Variants in TUBAL3 observed in about 807,000 individuals in gnomAD.
The protein encoded by TUBAL3 is tubulin alpha like 3, also known as tubulin alpha chain-like 3.
Under a neutral mutation model 15.5 loss-of-function variants are expected in TUBAL3, and 16 were observed. The observed-to-expected ratio is 1.04, with a 90% CI of 0.70 to 1.57. TUBAL3 has a LOEUF of 1.57. TUBAL3 is among the 40% of genes most tolerant of loss of function. TUBAL3 has a pLI of 0.00. For missense variants in TUBAL3, 609 were observed against 576.2 expected (o/e 1.06, Z -0.58); for synonymous variants, 238 against 224.3 (o/e 1.06, Z -0.55).
intron 1 of TUBAL3, among the ~76,000 whole-genome samples, chr10:5,401,398 T>C (rs1449839572): frequency 6.6e-6 from 1 of 151,782 alleles, no homozygotes; most frequent in South Asian, 2.1e-4. Flanking sequence ...AAAATACAAC[T>C]AATTTTACTT....
rs560534255 is a variant in TUBAL3 at position 5,396,775 on chromosome 10, A to T, written c.248-1300T>A. 6.6e-6 allele frequency among the ~76,000 whole-genome samples: 1 copy of T among 152,330 alleles called. No individual in the cohort carries two copies. The highest frequency in any genetic ancestry group is 1.9e-4 in the East Asian group (1 of 5,184). Reference sequence around the variant, plus strand: ...ACTCCTCCACCTTAGAATTACTCAAATAGCATTATTCCTGATGATTAAACA... The same window carrying T: ...ACTCCTCCACCTTAGAATTACTCAATTAGCATTATTCCTGATGATTAAACA... On this transcript the variant is annotated intron_variant, in intron 2 of 3. Coordinates refer to ENST00000380419, the MANE Select transcript of TUBAL3 (RefSeq NM_024803.3). This position sits in a 1 kb window ranked among gnomAD's most constrained non-coding sequence, Gnocchi z 5.1.
chr10:5,403,559 T>G (rs1831887806), intron 1 of TUBAL3, among the ~76,000 whole-genome samples: 2 of 151,806 alleles, frequency 1.3e-5, no homozygotes, highest in Admixed American at 6.6e-5. Flanking sequence ...AAAAAAAGAT[T>G]GTTCCTCTTC....
chr10:5,393,463 A>G lies in TUBAL3; in HGVS notation c.*54T>C. Reference sequence around the variant, plus strand: ...TACCCACTAGGCATATAACGGCTTGAAAAGAAAACATGCCATTTTAACTTG... The same window carrying G: ...TACCCACTAGGCATATAACGGCTTGGAAAGAAAACATGCCATTTTAACTTG... On this transcript the variant is annotated 3_prime_UTR_variant, in exon 4 of 4. Transcript: ENST00000380419. 8 of 1,490,726 alleles carry G rather than the reference A, an allele frequency of 5.4e-6. No individual in the cohort carries two copies. Among genetic ancestry groups the G allele is most frequent in the Admixed American group, 4.1e-5 (2 of 48,326 alleles). The allele number at this position is 1,490,726 out of a possible 1,614,324, so 92.3% of individuals were successfully genotyped here.
rs1331836424 is a variant in TUBAL3, at chr10:5,396,335, C to T, written c.248-860G>A. ...CCAGCCTGGCCAACATGGTGAAACC[C>T]TGTCTCTACTAAAAGTACAGAAAAT... On this transcript the variant is annotated intron_variant, in intron 2 of 3. Coordinates refer to ENST00000380419, the MANE Select transcript of TUBAL3 (RefSeq NM_024803.3). This position sits in a 1 kb window ranked among gnomAD's most constrained non-coding sequence, Gnocchi z 5.1. 6.6e-6 allele frequency among the ~76,000 whole-genome samples: 1 copy of T among 151,996 alleles called. No individual in the cohort carries two copies. The highest frequency in any genetic ancestry group is 1.5e-5 in the Non-Finnish European group (1 of 68,014).
intron 1 of TUBAL3, among the ~76,000 whole-genome samples, chr10:5,403,543 T>TG (rs1554814821): frequency 6.8e-6 from 1 of 148,054 alleles, no homozygotes; most frequent in Admixed American, 6.8e-5. Flanking sequence ...TCACTAACAT[T>TG]AAAAAAAAAA....
rs554769738 is a variant in TUBAL3, at chr10:5,404,690, C to T, written c.3+100G>A. 3.2e-6 allele frequency: 4 copies of T among 1,251,148 alleles called. No individual in the cohort carries two copies. The African/African-American group carries it at 5.9e-5, about 19-fold the overall frequency. 77.5% of individuals were successfully genotyped at this position (1,251,148 alleles called of 1,614,324 possible). On this transcript the variant is annotated intron_variant, in intron 1 of 3. Coordinates refer to ENST00000380419, the MANE Select transcript of TUBAL3 (RefSeq NM_024803.3). ...AAATGTTTCTTTACAAATGTCTTCT[C>T]TTGCATTACAATTTTATTAAGAATT...
chr10:5,394,414 A>G lies in TUBAL3; in HGVS notation c.444T>C (p.Phe148=), dbSNP rs781945733. ...TAAACCCTGAACCAGTGCCTCCTCC[A>G]AAGCTTCGGAAAATCAAAAATCCCT... is the stretch of plus-strand genomic sequence containing the variant. ...GLQGFLIFRS[F]GGGTGSGFTS... is the part of the protein sequence containing the mutation. Residue 148 remains phenylalanine (F), a synonymous_variant, in exon 4 of 4, where the codon TTT becomes TTC. Coordinates refer to ENST00000380419, the MANE Select transcript of TUBAL3 (RefSeq NM_024803.3). The surrounding 1 kb of genome is among the most constrained non-coding windows in gnomAD (Gnocchi z 4.3). 1 of 1,612,908 alleles carries G rather than the reference A, an allele frequency of 6.2e-7. No individual in the cohort carries two copies. Among genetic ancestry groups the G allele is most frequent in the Admixed American group, 1.7e-5 (1 of 59,786 alleles).
chr10:5,402,521 G>A (rs1831871394), intron 1 of TUBAL3, among the ~76,000 whole-genome samples: 2 of 152,166 alleles, frequency 1.3e-5, no homozygotes, highest in South Asian at 4.1e-4. Context: ...CTGCCCTAAA[G>A]CCTGAGATTC....
rs376671619 is a variant in TUBAL3, at chr10:5,394,031, A to T, written c.827T>A (p.Met276Lys). 21 of 1,614,084 alleles carry T rather than the reference A, an allele frequency of 1.3e-5. No homozygotes were observed. Among genetic ancestry groups the T allele is most frequent in the Non-Finnish European group, 1.6e-5 (19 of 1,180,038 alleles). ...LVPYPRIHFP[M>K]TAFAPIVSAD... ...AGAGACGATGGGGGCGAAGGCTGTC[A>T]TGGGGAAATGTATTCTCGGATAAGG... is the stretch of plus-strand genomic sequence containing the variant. The change falls in exon 4 of 4, where the codon ATG becomes AAG. Residue 276 changes from methionine to lysine, a missense_variant. By Grantham distance (95) the Met-to-Lys change is moderately conservative. Transcript: ENST00000380419. The surrounding 1 kb of genome is among the most constrained non-coding windows in gnomAD (Gnocchi z 4.3).
chr10:5,394,229 A>G lies in TUBAL3; in HGVS notation c.629T>C (p.Met210Thr), dbSNP rs1554813845. Residue 210 changes from methionine to threonine, a missense_variant, in exon 4 of 4, where the codon ATG becomes ACG. Coordinates refer to ENST00000380419, the MANE Select transcript of TUBAL3 (RefSeq NM_024803.3). The surrounding 1 kb of genome is among the most constrained non-coding windows in gnomAD (Gnocchi z 4.3). ...ATCATAGACGGCCTCGTTGTCCACC[A>G]TGAAGGTACAGTCCGTGTGCTCTGT... ...STTEHTDCTF[M>T]VDNEAVYDIC... 6.2e-7 allele frequency: 1 copy of G among 1,614,202 alleles called. No individual in the cohort carries two copies. Among genetic ancestry groups the G allele is most frequent in the Admixed American group, 1.7e-5 (1 of 60,018 alleles).
intron 2 of TUBAL3, among the ~76,000 whole-genome samples, chr10:5,400,626 A>C (rs1831834886): frequency 6.6e-6 from 1 of 152,110 alleles, no homozygotes; most frequent in Non-Finnish European, 1.5e-5. Context: ...TCTCAAAATA[A>C]ATAAATAAAT....
chr10:5,398,297 G>A (rs1414047988), intron 2 of TUBAL3, among the ~76,000 whole-genome samples: 2 of 151,910 alleles, frequency 1.3e-5, no homozygotes, highest in Non-Finnish European at 2.9e-5. Context: ...ACATGTGCCT[G>A]TAATCCCAGC....
rs1554814600 is a variant in TUBAL3 at position 5,400,993 on chromosome 10, T to C, written c.98A>G (p.Asn33Ser). 3 of 1,614,208 alleles carry C rather than the reference T, an allele frequency of 1.9e-6. No individual in the cohort carries two copies. The highest frequency in any genetic ancestry group is 2.5e-6 in the Non-Finnish European group (3 of 1,180,036). ...LYCLEHGIQP[N>S]GVVLDTQQDQ... ...CTGTTGAGTGTCAAGAACAACGCCA[T>C]TTGGCTGGATTCCATGTTCCAGGCA... Residue 33 changes from asparagine to serine, a missense_variant, in exon 2 of 4, where the codon AAT becomes AGT. By Grantham distance (46) the Asn-to-Ser change is conservative (BLOSUM62 1). Transcript: ENST00000380419.
chr10:5,402,459 G>C (rs1831870032), intron 1 of TUBAL3, among the ~76,000 whole-genome samples: 1 of 152,132 alleles, frequency 6.6e-6, no homozygotes, highest in African/African-American at 2.4e-5. Flanking sequence ...GGACCCTTTG[G>C]GCTGTTTGAC....
At chr10:5,401,170 G>T in intron 1 of TUBAL3, 83 bp from the exon 2 acceptor site, 1 of 1,545,408 alleles carries the variant, frequency 6.5e-7, no homozygotes. Flanking sequence ...GGTTACAAAT[G>T]ACAGAAACCA....
chr10:5,404,303 C>G (rs1554814889), intron 1 of TUBAL3, among the ~76,000 whole-genome samples: 1 of 152,138 alleles, frequency 6.6e-6, no homozygotes, highest in African/African-American at 2.4e-5. Context: ...GTAAGTTATT[C>G]TATTCATTGT....
At position 5,397,654 on chromosome 10, in the gene TUBAL3, T is replaced by G. The variant is rs1564451228; in HGVS notation, c.248-2179A>C. Among the ~76,000 whole-genome samples, 6 of 152,208 alleles carry G rather than the reference T, an allele frequency of 3.9e-5. 1 individual carries two copies. Among genetic ancestry groups the G allele is most frequent in the African/African-American group, 1.4e-4 (6 of 41,454 alleles). The stretch of plus-strand genomic sequence containing the variant: ...GGCTTTACTACCCAGCATGGTGCCC[T>G]TAATCAATATCCTCAGAGACATCAA... On this transcript the variant is annotated intron_variant, in intron 2 of 3. Coordinates refer to ENST00000380419, the MANE Select transcript of TUBAL3 (RefSeq NM_024803.3). The surrounding 1 kb of genome is among the most constrained non-coding windows in gnomAD (Gnocchi z 4.9).
chr10:5,399,265 T>TC lies in TUBAL3; in HGVS notation c.247+1578dup, dbSNP rs552355632. On this transcript the variant is annotated intron_variant, in intron 2 of 3. Transcript: ENST00000380419. ...AGCTGCTGTGGACTAAATGGCTGTG[T>TC]CCCCCCACAATTCATGCGTTGAATC... 4.6e-5 allele frequency among the ~76,000 whole-genome samples: 7 copies of TC among 152,282 alleles called. No individual in the cohort carries two copies. The East Asian group carries it at 1.2e-3, about 25-fold the overall frequency.
At chr10:5,402,294 A>T (rs958321696) in intron 1 of TUBAL3, among the ~76,000 whole-genome samples, 16 of 152,210 alleles carry the variant, frequency 1.1e-4, no homozygotes, top group Non-Finnish European at 1.9e-4. Context: ...GGAAAGAAAA[A>T]AAATGAGAAG....
Sources: allele counts gnomAD v4.1 joint callset (sites outside exome capture counted in the v4.1 genomes callset), GRCh38; gene constraint gnomAD v4.1.1; non-coding constraint Gnocchi (gnomAD v3.1); transcripts MANE v1.5; gene names NCBI Gene and HGNC (gene_info 2026-07-23, HGNC 2026-07-21).